PDE10A: variants seen among roughly 807,000 people sequenced by gnomAD.
The protein encoded by PDE10A is cAMP and cAMP-inhibited cGMP 3',5'-cyclic phosphodiesterase 10A.
In PDE10A, 39 loss-of-function variants were observed where a neutral mutation model predicts 97.7. The observed-to-expected ratio is 0.40, with a 90% CI of 0.31 to 0.52. PDE10A has a LOEUF of 0.52. PDE10A is among the 20% of genes least tolerant of loss of function. The pLI, the probability that PDE10A is intolerant of heterozygous loss-of-function variation, is 0.56. For synonymous variants in PDE10A, 371 were observed against 376.8 expected (o/e 0.98, Z 0.18); for missense variants, 731 against 1,047.8 (o/e 0.70, Z 4.17).
chr6:165,625,861 G>A (rs1299759965), intron 1 of PDE10A, among the ~76,000 whole-genome samples: 4 of 152,116 alleles, frequency 2.6e-5, no homozygotes, highest in Admixed American at 1.3e-4. Flanking sequence ...GCATGGAAAC[G>A]GACTCACACA....
At chr6:165,907,423 T>G (rs965887281) in intron 1 of PDE10A, among the ~76,000 whole-genome samples, 1 of 152,236 alleles carries the variant, frequency 6.6e-6, no homozygotes, top group African/African-American at 2.4e-5. Context: ...CTCGCGTTGC[T>G]GGAACTGGAT....
chr6:165,938,515 G>A (rs952649339), intron 1 of PDE10A, among the ~76,000 whole-genome samples: 16 of 152,124 alleles, frequency 1.1e-4, no homozygotes, highest in African/African-American at 2.7e-4. Context: ...AACTGAGGGC[G>A]CCAAGGGACC....
chr6:165,549,153 T>C (rs1783885995), intron 1 of PDE10A, among the ~76,000 whole-genome samples: 2 of 152,332 alleles, frequency 1.3e-5, no homozygotes, highest in East Asian at 3.9e-4. Flanking sequence ...TCGTACTCTT[T>C]TTCTCAGGAT....
intron 1 of PDE10A, among the ~76,000 whole-genome samples, chr6:165,590,592 TA>T (rs1447189779): frequency 1.3e-5 from 2 of 152,102 alleles, no homozygotes; most frequent in Non-Finnish European, 2.9e-5. Context: ...GGGTAGACAC[TA>T]AAAAACAACT....
intron 1 of PDE10A, among the ~76,000 whole-genome samples, chr6:165,759,439 G>C (rs1026047590): frequency 2.0e-5 from 3 of 152,172 alleles, no homozygotes; most frequent in Admixed American, 2.0e-4. Flanking sequence ...CAGGTCATCA[G>C]TCTGGCTTCC....
At chr6:165,402,935 C>A (rs1435897860) in intron 13 of PDE10A, among the ~76,000 whole-genome samples, 3 of 152,102 alleles carry the variant, frequency 2.0e-5, no homozygotes. Context: ...TCATAGTAAA[C>A]CTAGAGTCAC....
chr6:165,439,922 T>C (rs1433948903), intron 5 of PDE10A, among the ~76,000 whole-genome samples: 1 of 152,212 alleles, frequency 6.6e-6, no homozygotes, highest in Non-Finnish European at 1.5e-5. Flanking sequence ...AATAGATGTT[T>C]ACCTCACTTG....
intron 1 of PDE10A, among the ~76,000 whole-genome samples, chr6:165,829,831 C>G (rs1251727400): frequency 6.6e-6 from 1 of 152,152 alleles, no homozygotes; most frequent in Non-Finnish European, 1.5e-5. Context: ...CACGGCTGGG[C>G]TCTCCCCCAC....
chr6:165,458,411 G>A (rs1005254084), intron 3 of PDE10A, among the ~76,000 whole-genome samples: 3 of 152,060 alleles, frequency 2.0e-5, no homozygotes, highest in Non-Finnish European at 4.4e-5. Context: ...GTGAGGACAC[G>A]GCAAGAAGAC....
chr6:165,763,645 T>C (rs1200559115), intron 1 of PDE10A, among the ~76,000 whole-genome samples: 1 of 152,248 alleles, frequency 6.6e-6, no homozygotes, highest in African/African-American at 2.4e-5. Context: ...TTAAATATTT[T>C]ATTTCACTTG....
At chr6:165,562,890 T>A (rs958833781) in intron 1 of PDE10A, among the ~76,000 whole-genome samples, 1 of 150,990 alleles carries the variant, frequency 6.6e-6, no homozygotes, top group Non-Finnish European at 1.5e-5. Context: ...GGGGTACCAG[T>A]GACATCTAGT....
chr6:165,885,243 GACTC>G (rs1389226102), intron 1 of PDE10A, among the ~76,000 whole-genome samples: 1 of 152,312 alleles, frequency 6.6e-6, no homozygotes, highest in Admixed American at 6.5e-5. Context: ...ATAAAGAAAA[GACTC>G]ACAGTTCTGC....
chr6:165,583,212 G>A (rs185756743), intron 1 of PDE10A, among the ~76,000 whole-genome samples: 1 of 152,274 alleles, frequency 6.6e-6, no homozygotes, highest in Non-Finnish European at 1.5e-5. Context: ...TAAGAAGTTA[G>A]GTCACTTGCC....
chr6:165,613,092 A>G (rs768731151), intron 1 of PDE10A, among the ~76,000 whole-genome samples: 2 of 152,224 alleles, frequency 1.3e-5, no homozygotes, highest in South Asian at 2.1e-4. Context: ...TCACATAGGC[A>G]TACTTTAAAC....
chr6:165,821,948 T>C (rs1779584722), intron 1 of PDE10A, among the ~76,000 whole-genome samples: 1 of 152,136 alleles, frequency 6.6e-6, no homozygotes, highest in Non-Finnish European at 1.5e-5. Context: ...ATTCCTGTTC[T>C]GAAGGATGAG....
chr6:165,927,318 T>G (rs932285629), intron 1 of PDE10A, among the ~76,000 whole-genome samples: 4 of 152,208 alleles, frequency 2.6e-5, no homozygotes, highest in Admixed American at 6.5e-5. Context: ...TTAGTTACAC[T>G]GCTGTTAGAA....
At chr6:165,483,531 T>G (rs1779723146) in intron 2 of PDE10A, among the ~76,000 whole-genome samples, 1 of 152,236 alleles carries the variant, frequency 6.6e-6, no homozygotes, top group Non-Finnish European at 1.5e-5. Context: ...AATCCTCTCC[T>G]AAGCCTCTCT....
chr6:165,379,303 T>C lies in PDE10A; in HGVS notation c.2674A>G (p.Ile892Val), dbSNP rs773468405. 3 of 1,613,522 alleles carry C rather than the reference T, an allele frequency of 1.9e-6. No homozygotes were observed. Among genetic ancestry groups the C allele is most frequent in the Admixed American group, 1.7e-5 (1 of 59,988 alleles). ...SSEYEQVLEI[I>V]RKAIIATDLA... ...TCTGTGGCAATGATGGCTTTGCGGA[T>C]GATCTCAAGCACCTGCTCATATTCA... is the stretch of plus-strand genomic sequence containing the variant. The change falls in exon 18 of 22, where the codon ATC becomes GTC. Residue 892 changes from isoleucine (I) to valine (V), a missense_variant. Coordinates refer to ENST00000539869, the MANE Select transcript of PDE10A (RefSeq NM_001385079.1).
At chr6:165,906,010 TC>T (rs1562791932) in intron 1 of PDE10A, among the ~76,000 whole-genome samples, 3 of 35,396 alleles carry the variant, frequency 8.5e-5, no homozygotes, top group East Asian at 3.2e-3. Flanking sequence ...CTTCCTTCCT[TC>T]CTTCCCTCCC....
Sources: gnomAD v4.1 joint callset for allele counts (sites outside exome capture counted in the v4.1 genomes callset) on GRCh38, gnomAD v4.1.1 for gene constraint, MANE v1.5 for transcripts, NCBI Gene and HGNC (gene_info 2026-07-23, HGNC 2026-07-21) for gene names.